WDPCP: variants seen among roughly 807,000 people sequenced by gnomAD.
The protein encoded by WDPCP is WD repeat-containing and planar cell polarity effector protein fritz homolog.
A neutral mutation model predicts 93.1 loss-of-function variants in WDPCP; 71 were observed. The observed-to-expected ratio is 0.76, with a 90% CI of 0.63 to 0.93. The LOEUF (loss-of-function observed/expected upper bound fraction) is 0.93, where lower values mean the gene tolerates loss of function less well. Ranked by LOEUF, WDPCP falls within the 40% of genes least tolerant of loss-of-function variation. The pLI is 0.00. For missense variants in WDPCP, 844 were observed against 887.4 expected (o/e 0.95, Z 0.62); for synonymous variants, 315 against 315.0 (o/e 1.00, Z 0.00).
At chr2:63,766,957 A>C (rs1349838194) in intron 2 of WDPCP, among the ~76,000 whole-genome samples, 1 of 152,026 alleles carries the variant, frequency 6.6e-6, no homozygotes, top group Non-Finnish European at 1.5e-5. Context: ...TATGATTTTG[A>C]CTATTCTAAG....
intron 6 of WDPCP, among the ~76,000 whole-genome samples, chr2:63,455,616 C>A (rs1231333891): frequency 6.6e-6 from 1 of 151,896 alleles, no homozygotes; most frequent in Non-Finnish European, 1.5e-5. Flanking sequence ...AGGGATCAAT[C>A]GAGCAAGAGG....
At chr2:63,781,187 A>G (rs184335470) in intron 2 of WDPCP, among the ~76,000 whole-genome samples, 2 of 152,288 alleles carry the variant, frequency 1.3e-5, no homozygotes, top group East Asian at 1.9e-4. Flanking sequence ...TTTATTTCCT[A>G]TAGTATTTCC....
At chr2:63,688,389 T>C (rs1002603625) in intron 2 of WDPCP, among the ~76,000 whole-genome samples, 3 of 151,414 alleles carry the variant, frequency 2.0e-5, no homozygotes, top group Non-Finnish European at 4.4e-5. Context: ...ATCGCTCCAC[T>C]GTAGTCCAGC....
intron 1 of WDPCP, among the ~76,000 whole-genome samples, chr2:63,538,472 A>G (rs1453749357): frequency 1.3e-5 from 2 of 152,294 alleles, no homozygotes; most frequent in East Asian, 3.9e-4. Context: ...TATAATAAAA[A>G]AATTGCCTTT....
At chr2:63,781,120 C>G (rs1259442603) in intron 2 of WDPCP, among the ~76,000 whole-genome samples, 1 of 152,140 alleles carries the variant, frequency 6.6e-6, no homozygotes, top group East Asian at 1.9e-4. Flanking sequence ...TATTTCCCCC[C>G]ACTCTGTATT....
intron 12 of WDPCP, among the ~76,000 whole-genome samples, chr2:63,370,609 G>C (rs1031763483): frequency 5.3e-5 from 8 of 152,070 alleles, no homozygotes; most frequent in Non-Finnish European, 1.2e-4. Flanking sequence ...ATATAGCAAT[G>C]GAACCTCACT....
chr2:63,810,580 A>C (rs2104085588), intron 2 of WDPCP, among the ~76,000 whole-genome samples: 1 of 152,354 alleles, frequency 6.6e-6, no homozygotes, highest in East Asian at 1.9e-4. Flanking sequence ...GCAAGCTATA[A>C]AAGAATTCCC....
At chr2:63,798,039 C>T (rs11690513) in intron 2 of WDPCP, among the ~76,000 whole-genome samples, 1 of 152,042 alleles carries the variant, frequency 6.6e-6, no homozygotes, top group African/African-American at 2.4e-5. Context: ...ATTTAAAGTG[C>T]TGAAGGAAAA....
At chr2:63,313,410 T>G in intron 12 of WDPCP, 99 bp from the exon 13 acceptor site, 3 of 1,190,840 alleles carry the variant, frequency 2.5e-6, no homozygotes, top group Non-Finnish European at 3.6e-6. Context: ...GTTTTTGTCC[T>G]TCTGATTGGA....
At chr2:63,590,983 TTG>T (rs1159109446), upstream of WDPCP, 1 of 152,228 alleles carries the variant, frequency 6.6e-6, no homozygotes, top group Non-Finnish European at 1.5e-5. Flanking sequence ...GCTTAGTTTT[TTG>T]TGTTATAGAA....
At chr2:63,743,037 G>A (rs895714839) in intron 2 of WDPCP, among the ~76,000 whole-genome samples, 1 of 151,984 alleles carries the variant, frequency 6.6e-6, no homozygotes, top group Non-Finnish European at 1.5e-5. Context: ...CAACCCCGTG[G>A]AATTGATATT....
At chr2:63,392,795 A>G (rs1693383864) in intron 10 of WDPCP, among the ~76,000 whole-genome samples, 1 of 152,218 alleles carries the variant, frequency 6.6e-6, no homozygotes, top group African/African-American at 2.4e-5. Context: ...AATGCTCATC[A>G]TCACTGGTCA....
At chr2:63,544,514 C>A (rs1185275670) in intron 1 of WDPCP, among the ~76,000 whole-genome samples, 2 of 152,036 alleles carry the variant, frequency 1.3e-5, no homozygotes, top group Non-Finnish European at 2.9e-5. Flanking sequence ...CAAAAAGACT[C>A]ACTTTTAAAA....
In WDPCP at chr2:63,688,413, C is replaced by T. The variant is rs1668841971; in HGVS notation, n.309-37575G>A. 3.4e-5 allele frequency among the ~76,000 whole-genome samples: 5 copies of T among 148,928 alleles called. No individual in the cohort carries two copies. In the South Asian group the frequency reaches 1.1e-3, roughly 32 times the overall value. On this transcript the variant is annotated intron_variant and non_coding_transcript_variant, in intron 2 of 4. Coordinates refer to the WDPCP transcript ENST00000467687. ...CTGTAGTCCAGCCTGAGTGACAGAG[C>T]GAGACTCCATCTAAAAAAAAAAAAA...
chr2:63,269,323 G>A (rs952352878), intron 13 of WDPCP, among the ~76,000 whole-genome samples: 4 of 152,012 alleles, frequency 2.6e-5, no homozygotes, highest in African/African-American at 7.2e-5. Context: ...ACTTATATTA[G>A]CATCATCATT....
intron 2 of WDPCP, among the ~76,000 whole-genome samples, chr2:63,492,472 T>C (rs949737720): frequency 6.6e-6 from 1 of 151,854 alleles, no homozygotes; most frequent in African/African-American, 2.4e-5. Context: ...ATTGAATATG[T>C]ATCTTTTTTT....
intron 9 of WDPCP, among the ~76,000 whole-genome samples, chr2:63,414,054 T>A (rs1695223799): frequency 6.6e-6 from 1 of 150,906 alleles, no homozygotes; most frequent in Non-Finnish European, 1.5e-5. Flanking sequence ...GATACAGAAA[T>A]GGCCAACAAA....
intron 2 of WDPCP, among the ~76,000 whole-genome samples, chr2:63,666,196 CT>C (rs1710280817): frequency 6.6e-6 from 1 of 152,062 alleles, no homozygotes; most frequent in South Asian, 2.1e-4. Flanking sequence ...TTTTTCATTC[CT>C]TGAAAATGAA....
chr2:63,753,003 A>G (rs1669906806), intron 2 of WDPCP, among the ~76,000 whole-genome samples: 1 of 151,938 alleles, frequency 6.6e-6, no homozygotes, highest in African/African-American at 2.4e-5. Flanking sequence ...CAACTTTTAG[A>G]TTTCTTAATA....
Sources: gnomAD v4.1 joint callset for allele counts (sites outside exome capture counted in the v4.1 genomes callset) on GRCh38, gnomAD v4.1.1 for gene constraint, MANE v1.5 for transcripts, NCBI Gene and HGNC (gene_info 2026-07-23, HGNC 2026-07-21) for gene names.